Variants in STXBP5L observed in about 807,000 individuals in gnomAD.
The protein encoded by STXBP5L is syntaxin-binding protein 5-like.
Under a neutral mutation model 144.5 loss-of-function variants are expected in STXBP5L, and 65 were observed. The ratio of observed to expected loss-of-function variants is 0.45; its 90% CI spans 0.37 to 0.55. STXBP5L has a LOEUF of 0.55. Among genes scored for constraint, STXBP5L ranks in the 20% least tolerant of loss-of-function variants. STXBP5L has a pLI of 0.00. For missense variants in STXBP5L, 1,298 were observed against 1,405.5 expected (o/e 0.92, Z 1.22); for synonymous variants, 505 against 469.6 (o/e 1.08, Z -0.97).
chr3:121,407,595 GATA>G lies in STXBP5L; in HGVS notation c.2943_2945del (p.Ile981del). ...GCTTTTGTGCTAACGGACATATCAT[GATA>G]ATGAGGTACTTGCCTTCTTATAAAT... On this transcript the variant is annotated inframe_deletion, in exon 23 of 27. Transcript: ENST00000471454. 2 of 1,612,990 alleles carry G rather than the reference GATA, an allele frequency of 1.2e-6. No homozygotes were observed. Among genetic ancestry groups the G allele is most frequent in the Non-Finnish European group, 1.7e-6 (2 of 1,179,420 alleles).
chr3:121,194,058 A>C (rs1162288227), intron 9 of STXBP5L, among the ~76,000 whole-genome samples: 1 of 152,132 alleles, frequency 6.6e-6, no homozygotes, highest in Non-Finnish European at 1.5e-5. Context: ...CCTACAATTT[A>C]CCCATTTAAA....
At chr3:120,950,317 T>A (rs191897369) in intron 2 of STXBP5L, among the ~76,000 whole-genome samples, 25 of 152,208 alleles carry the variant, frequency 1.6e-4, no homozygotes, top group Admixed American at 7.9e-4. Flanking sequence ...TTTTCAAAAA[T>A]CAATGGACTG....
At chr3:121,325,992 T>C (rs546004867) in intron 20 of STXBP5L, among the ~76,000 whole-genome samples, 6 of 149,414 alleles carry the variant, frequency 4.0e-5, no homozygotes, top group South Asian at 2.1e-4. Context: ...CCTCCTATTA[T>C]GTCTACTAAA....
intron 5 of STXBP5L, among the ~76,000 whole-genome samples, chr3:121,101,097 GA>G (rs758084988): frequency 2.0e-5 from 3 of 149,404 alleles, no homozygotes; most frequent in Non-Finnish European, 4.4e-5. Flanking sequence ...AATCAGTAGT[GA>G]AAAATCTGCC....
intron 5 of STXBP5L, among the ~76,000 whole-genome samples, chr3:121,076,407 T>C (rs2042020201): frequency 6.6e-6 from 1 of 152,180 alleles, no homozygotes; most frequent in Non-Finnish European, 1.5e-5. Flanking sequence ...TTTTTCTGCT[T>C]TTTCTATGAC....
At chr3:121,315,894 T>G (rs2043768661) in intron 19 of STXBP5L, among the ~76,000 whole-genome samples, 1 of 151,278 alleles carries the variant, frequency 6.6e-6, no homozygotes. Context: ...CCCAGCTACT[T>G]GAGAGGCTGA....
intron 2 of STXBP5L, among the ~76,000 whole-genome samples, chr3:120,952,952 C>A (rs1420192253): frequency 6.6e-6 from 1 of 151,718 alleles, no homozygotes; most frequent in Non-Finnish European, 1.5e-5. Flanking sequence ...GCATGCACCA[C>A]CATGCCCAGC....
intron 2 of STXBP5L, among the ~76,000 whole-genome samples, chr3:120,940,788 G>A (rs1270058602): frequency 6.6e-6 from 1 of 151,686 alleles, no homozygotes; most frequent in Non-Finnish European, 1.5e-5. Flanking sequence ...TGTTATTAGT[G>A]TGCTGGTATT....
chr3:121,240,372 C>A, intron 13 of STXBP5L, 68 bp from the exon 14 acceptor site: 2 of 1,399,370 alleles, frequency 1.4e-6, no homozygotes, highest in South Asian at 1.3e-5. Context: ...TTATTTTAAG[C>A]TATTTTCATT....
At chr3:121,377,125 T>C (rs2046206916) in intron 20 of STXBP5L, among the ~76,000 whole-genome samples, 1 of 152,218 alleles carries the variant, frequency 6.6e-6, no homozygotes, top group Non-Finnish European at 1.5e-5. Flanking sequence ...AAGGAGATTT[T>C]GGGCTGAGAC....
At position 121,108,798 on chromosome 3, in the gene STXBP5L, C is replaced by T. The variant is rs187978201; in HGVS notation, c.471-6127C>T. ...GTTTCAGAATAAATGGTACCAGCTC[C>T]GCTTTGTACCTCTGGTAGAATTCAG... On this transcript the variant is annotated intron_variant, in intron 5 of 26. Coordinates refer to ENST00000471454, the MANE Select transcript of STXBP5L (RefSeq NM_001308330.2). 4.6e-5 allele frequency among the ~76,000 whole-genome samples: 7 copies of T among 152,250 alleles called. No homozygotes were observed. The East Asian group carries it at 9.6e-4, about 21-fold the overall frequency.
At chr3:121,361,745 T>A (rs2045718368) in intron 20 of STXBP5L, among the ~76,000 whole-genome samples, 1 of 152,064 alleles carries the variant, frequency 6.6e-6, no homozygotes, top group African/African-American at 2.4e-5. Context: ...CTATTTTGAG[T>A]TCTCTATATG....
intron 5 of STXBP5L, among the ~76,000 whole-genome samples, chr3:121,056,153 C>T (rs1169229544): frequency 6.6e-6 from 1 of 152,072 alleles, no homozygotes; most frequent in South Asian, 2.1e-4. Context: ...GGACTTCTTA[C>T]AAATACGATT....
intron 19 of STXBP5L, among the ~76,000 whole-genome samples, chr3:121,313,837 A>T (rs1054013475): frequency 7.1e-6 from 1 of 140,026 alleles, no homozygotes; most frequent in Non-Finnish European, 1.6e-5. Context: ...CTCACTTCTC[A>T]GACGGGGCGG....
chr3:121,011,033 C>A (rs1944735386), intron 3 of STXBP5L, among the ~76,000 whole-genome samples: 1 of 150,246 alleles, frequency 6.7e-6, no homozygotes, highest in Admixed American at 6.7e-5. Context: ...GGAATATAAT[C>A]ATTTGGTTGT....
chr3:121,353,800 G>A (rs964328303), intron 20 of STXBP5L, among the ~76,000 whole-genome samples: 1 of 152,068 alleles, frequency 6.6e-6, no homozygotes, highest in Non-Finnish European at 1.5e-5. Context: ...GATCTTTCCT[G>A]CTTTCTCTTG....
chr3:121,265,888 T>C (rs1306157380), intron 18 of STXBP5L, among the ~76,000 whole-genome samples: 2 of 152,106 alleles, frequency 1.3e-5, no homozygotes, highest in East Asian at 3.8e-4. Flanking sequence ...AAGAAATGGA[T>C]AAATTCCTGG....
chr3:121,015,107 C>T (rs894956891), intron 3 of STXBP5L, among the ~76,000 whole-genome samples: 1 of 151,954 alleles, frequency 6.6e-6, no homozygotes, highest in Non-Finnish European at 1.5e-5. Flanking sequence ...AGATTCAATC[C>T]AATCCTAATC....
intron 20 of STXBP5L, among the ~76,000 whole-genome samples, chr3:121,370,853 A>G (rs2046008677): frequency 6.6e-6 from 1 of 152,206 alleles, no homozygotes; most frequent in South Asian, 2.1e-4. Flanking sequence ...TTTTAGCTCT[A>G]TCAGCTCAGT....
Sources: gnomAD v4.1 joint callset for allele counts (sites outside exome capture counted in the v4.1 genomes callset) on GRCh38, gnomAD v4.1.1 for gene constraint, MANE v1.5 for transcripts, NCBI Gene and HGNC (gene_info 2026-07-23, HGNC 2026-07-21) for gene names.